The following NIPSNAP2 variants were observed in gnomAD, a reference collection of about 807,000 sequenced individuals.
The protein encoded by NIPSNAP2 is protein NipSnap homolog 2.
In NIPSNAP2, 42 loss-of-function variants were observed where a neutral mutation model predicts 48.4. That is an observed-to-expected ratio of 0.87 (90% CI 0.68 to 1.12). The LOEUF (loss-of-function observed/expected upper bound fraction) is 1.12, where lower values mean the gene tolerates loss of function less well. Ranked by LOEUF, NIPSNAP2 falls within the 50% of genes most tolerant of loss-of-function variation. NIPSNAP2 has a pLI of 0.00. For synonymous variants in NIPSNAP2, 158 were observed against 126.6 expected, an observed-to-expected ratio of 1.25 and a Z score of -1.67; for missense variants, 314 against 347.3, an observed-to-expected ratio of 0.90 and a Z score of 0.76.
intron 3 of NIPSNAP2, chr7:55,979,484 C>T (rs1787168263): frequency 8.0e-6 from 2 of 250,934 alleles, no homozygotes; most frequent in Non-Finnish European, 1.6e-5. Context: ...TTACTCAGCC[C>T]GTTCCTTAGT....
intron 5 of NIPSNAP2, among the ~76,000 whole-genome samples, chr7:55,982,537 A>G (rs774823361): frequency 6.7e-6 from 1 of 148,412 alleles, no homozygotes; most frequent in Non-Finnish European, 1.5e-5. Flanking sequence ...TCACAAGGTC[A>G]GGAGATTGAG....
rs537656452 is a variant in NIPSNAP2 at position 55,969,513 on chromosome 7, C to T, written c.92+4812C>T. On this transcript the variant is annotated intron_variant, in intron 1 of 9. Transcript: ENST00000322090. ...AGAGCAGGCCCCCAGGCTGCCCTTA[C>T]CCATGCCACAACAGCTACCTACTTC... Among the ~76,000 whole-genome samples, 5 of 152,266 alleles carry T rather than the reference C, an allele frequency of 3.3e-5. No homozygotes were observed. The South Asian group carries it at 1.0e-3, about 32-fold the overall frequency.
In NIPSNAP2 at chr7:55,998,851, G is replaced by A. The variant is rs117405250; in HGVS notation, c.797-157G>A. 5.9e-3 allele frequency among the ~76,000 whole-genome samples: 892 copies of A among 152,232 alleles called. 6 individuals carry two copies. Among genetic ancestry groups the A allele is most frequent in the Non-Finnish European group, 8.9e-3 (604 of 68,014 alleles). ...ATGGCAGCTGATACAGGGTCCGCTT[G>A]TATATTTCTGCCCTTGAGGTTAGTC... On this transcript the variant is annotated intron_variant, in intron 9 of 9. Coordinates refer to ENST00000322090, the MANE Select transcript of NIPSNAP2 (RefSeq NM_001483.3).
In NIPSNAP2 at chr7:55,994,989, G is replaced by A; in HGVS notation, c.712+1G>A. ...CTGTACATGGTGCACCATCTTTGGGGTATCTGTTTTTCCCTTTTCGAGTTA... is the reference window on the plus strand; with the variant it reads ...CTGTACATGGTGCACCATCTTTGGGATATCTGTTTTTCCCTTTTCGAGTTA... On this transcript the variant is annotated splice_donor_variant, in intron 8 of 9. Transcript: ENST00000322090. LOFTEE classifies it high-confidence loss of function. 1 of 1,612,770 alleles carries A rather than the reference G, an allele frequency of 6.2e-7. No homozygotes were observed.
intron 5 of NIPSNAP2, among the ~76,000 whole-genome samples, chr7:55,982,984 A>G (rs1787252732): frequency 6.6e-6 from 1 of 150,874 alleles, no homozygotes; most frequent in Non-Finnish European, 1.5e-5. Flanking sequence ...TTAGCCGAGC[A>G]TGGTGGTGCA....
chr7:55,998,467 A>C (rs1233453803), intron 9 of NIPSNAP2, among the ~76,000 whole-genome samples: 1 of 150,568 alleles, frequency 6.6e-6, no homozygotes, highest in Non-Finnish European at 1.5e-5. Flanking sequence ...CCTCCCACAA[A>C]TAAAACAAAT....
chr7:55,968,634 C>T (rs1402280244), intron 1 of NIPSNAP2, among the ~76,000 whole-genome samples: 1 of 152,170 alleles, frequency 6.6e-6, no homozygotes, highest in Non-Finnish European at 1.5e-5. Context: ...ATCTGCCCGC[C>T]TTGGCCTGCT....
In NIPSNAP2 at chr7:55,981,518, T is replaced by C. The variant is rs746435885; in HGVS notation, c.324T>C (p.Cys108=). ...TTCACGAAGATAAACACTACCCTTG[T>C]ACTTTGGTGGGGACTTGGAACACGT... is the stretch of plus-strand genomic sequence containing the variant. ...PKIHEDKHYP[C]TLVGTWNTWY... is the part of the protein sequence containing the mutation. The change falls in exon 4 of 10, where the codon TGT becomes TGC. Residue 108 remains cysteine (C), a synonymous_variant. Coordinates refer to ENST00000322090, the MANE Select transcript of NIPSNAP2 (RefSeq NM_001483.3). 6.2e-7 allele frequency: 1 copy of C among 1,614,036 alleles called. No individual in the cohort carries two copies. Among genetic ancestry groups the C allele is most frequent in the Admixed American group, 1.7e-5 (1 of 60,014 alleles).
chr7:55,996,614 A>G (rs936594472), intron 8 of NIPSNAP2, among the ~76,000 whole-genome samples: 2 of 152,170 alleles, frequency 1.3e-5, no homozygotes, highest in Non-Finnish European at 2.9e-5. Context: ...GTTGAGTAAA[A>G]TTGATCTGAC....
At chr7:55,986,694 TA>T (rs934523234) in intron 7 of NIPSNAP2, among the ~76,000 whole-genome samples, 17 of 143,456 alleles carry the variant, frequency 1.2e-4, no homozygotes, top group Middle Eastern at 3.5e-3. Flanking sequence ...TCAGTGATAC[TA>T]AAAAAAAAAA....
intron 7 of NIPSNAP2, among the ~76,000 whole-genome samples, chr7:55,988,675 G>T (rs983393829): frequency 1.3e-5 from 2 of 152,016 alleles, no homozygotes; most frequent in African/African-American, 2.4e-5. Flanking sequence ...CCTGGCCAAC[G>T]TGACAAGACC....
intron 1 of NIPSNAP2, among the ~76,000 whole-genome samples, chr7:55,965,365 G>A (rs1786871570): frequency 6.6e-6 from 1 of 151,962 alleles, no homozygotes; most frequent in South Asian, 2.1e-4. Flanking sequence ...AACTTCAGTG[G>A]ATTGGACGTT....
In NIPSNAP2 at chr7:55,967,079, G is replaced by A. The variant is rs534327715; in HGVS notation, c.92+2378G>A. On this transcript the variant is annotated intron_variant, in intron 1 of 9. Transcript: ENST00000322090. The stretch of plus-strand genomic sequence containing the variant: ...CATCCCTGCCTGTACATTAGCCAGC[G>A]TATTTCACTTAGTGCTGCTCAGCAG... Among the ~76,000 whole-genome samples, 3 of 152,376 alleles carry A rather than the reference G, an allele frequency of 2.0e-5. No individual in the cohort carries two copies. The South Asian group carries it at 6.2e-4, about 32-fold the overall frequency.
intron 1 of NIPSNAP2, among the ~76,000 whole-genome samples, chr7:55,974,913 C>T (rs1473993216): frequency 1.3e-5 from 2 of 151,240 alleles, no homozygotes; most frequent in Non-Finnish European, 1.5e-5. Flanking sequence ...AAGAGATCCC[C>T]AAGAAGAGGT....
intron 5 of NIPSNAP2, among the ~76,000 whole-genome samples, chr7:55,982,562 C>G (rs1441523707): frequency 6.7e-6 from 1 of 149,020 alleles, no homozygotes; most frequent in Non-Finnish European, 1.5e-5. Context: ...TCCTGGCTTA[C>G]ACAGTGAAAC....
chr7:55,965,946 A>G (rs1377603514), intron 1 of NIPSNAP2, among the ~76,000 whole-genome samples: 1 of 152,132 alleles, frequency 6.6e-6, no homozygotes, highest in East Asian at 1.9e-4. Context: ...TGGCCAGCTG[A>G]GTGGACCCTG....
chr7:55,982,407 T>G (rs1005493312), intron 5 of NIPSNAP2, 127 bp downstream of exon 5: 44 of 626,298 alleles, frequency 7.0e-5, no homozygotes, highest in Middle Eastern at 4.5e-4. Context: ...TTTTATTGTT[T>G]GGACTCCTGA....
At chr7:55,998,386 G>A (rs11974040) in intron 9 of NIPSNAP2, among the ~76,000 whole-genome samples, 54,942 of 150,364 alleles carry the variant, frequency 0.37, 10,472 homozygotes, top group Non-Finnish European at 0.43. Flanking sequence ...TTATATAATT[G>A]TATTTGATTT....
At chr7:55,992,730 A>C (rs760088391) in intron 7 of NIPSNAP2, among the ~76,000 whole-genome samples, 1 of 152,158 alleles carries the variant, frequency 6.6e-6, no homozygotes, top group Non-Finnish European at 1.5e-5. Context: ...TGTCTTCCCA[A>C]GTCTTGTCAC....
Sources: gnomAD v4.1 joint callset for allele counts (sites outside exome capture counted in the v4.1 genomes callset) on GRCh38, gnomAD v4.1.1 for gene constraint, MANE v1.5 for transcripts, NCBI Gene and HGNC (gene_info 2026-07-23, HGNC 2026-07-21) for gene names.